ZNF99: variants seen among roughly 807,000 people sequenced by gnomAD.
The protein encoded by ZNF99 is zinc finger protein 99.
Under a neutral mutation model 12.8 loss-of-function variants are expected in ZNF99, and 8 were observed. The ratio of observed to expected loss-of-function variants is 0.62; its 90% confidence interval spans 0.37 to 1.13. The LOEUF (loss-of-function observed/expected upper bound fraction) is 1.13. Among genes scored for constraint, ZNF99 ranks in the 50% most tolerant of loss-of-function variants. ZNF99 has a pLI of 0.02. For missense variants in ZNF99, 1,007 were observed against 1,006.2 expected (o/e 1.00, Z -0.01); for synonymous variants, 318 against 319.0 (o/e 1.00, Z 0.03).
chr19:22,774,097 A>G (rs532272586), intron 1 of ZNF99: 1 of 153,718 alleles, frequency 6.5e-6, no homozygotes, highest in Non-Finnish European at 1.5e-5. Context: ...CACCCAAAGC[A>G]CTGGACAGAA....
chr19:22,784,137 A>C lies in ZNF99; in HGVS notation c.-121T>G. 1 of 1,093,444 alleles carries C rather than the reference A, an allele frequency of 9.1e-7. No individual in the cohort carries two copies. The highest frequency in any genetic ancestry group is 1.3e-6 in the Non-Finnish European group (1 of 760,636). The allele number at this position is 1,093,444 out of a possible 1,614,324, so 67.7% of individuals were successfully genotyped here. On this transcript the variant is annotated 5_prime_UTR_variant, in exon 1 of 4. Transcript: ENST00000596209. ...AACGAGATCCGGAGCTCCAGCTGGA[A>C]CCAGAAACAACGGCCCCGCCACATC...
chr19:22,758,895 C>A lies in ZNF99; in HGVS notation c.1014G>T (p.Lys338Asn), dbSNP rs1287596384. The A allele has an allele frequency of 6.2e-7, 1 of 1,613,622 alleles. No individual in the cohort carries two copies. Among genetic ancestry groups the A allele is most frequent in the Non-Finnish European group, 8.5e-7 (1 of 1,179,904 alleles). The change falls in exon 4 of 4, where the codon AAG becomes AAT. Residue 338 changes from lysine (K) to asparagine (N), a missense_variant. Transcript: ENST00000596209. ...CACATTCTTCACATTTGTAGGGTTT[C>A]TTTCCAGTATGAATTATCTGATGTT... ...LRKHQIIHTGKKPYKCEECGK... is the reference protein window; with the variant it reads ...LRKHQIIHTGNKPYKCEECGK...
At chr19:22,769,122 CA>C in intron 2 of ZNF99, 75 bp downstream of exon 2, 1 of 1,484,710 alleles carries the variant, frequency 6.7e-7, no homozygotes, top group Non-Finnish European at 9.1e-7. Context: ...CATAAATCAC[CA>C]AAACACATCC....
In ZNF99 at chr19:22,755,347, G is replaced by A. The variant is rs1157319585; in HGVS notation, c.*1967C>T. On this transcript the variant is annotated 3_prime_UTR_variant, in exon 4 of 4. Transcript: ENST00000596209. ...AGTAAGGTCTGAAAACCAGTTAAAA[G>A]CTTTGCCACAGTTTTCATATTTGTA... 2 of 265,910 alleles carry A rather than the reference G, an allele frequency of 7.5e-6. No homozygotes were observed. Among genetic ancestry groups the A allele is most frequent in the Non-Finnish European group, 1.6e-5 (2 of 128,224 alleles). 16.5% of individuals were successfully genotyped at this position (265,910 alleles called of 1,614,324 possible).
At position 22,758,523 on chromosome 19, in the gene ZNF99, A is replaced by G; in HGVS notation, c.1386T>C (p.Phe462=). ...GTTTTCTAAGGGCTGAAAAATTGCT[A>G]AAAGCTTTGCTGCATTCTTCACATT... The part of the protein sequence containing the change: ...PYKCEECSKA[F]SNFSALRKHE... The change falls in exon 4 of 4, where the codon TTT becomes TTC. Residue 462 remains phenylalanine, a synonymous_variant. Coordinates refer to ENST00000596209, the MANE Select transcript of ZNF99 (RefSeq NM_001080409.3). 1 of 1,613,176 alleles carries G rather than the reference A, an allele frequency of 6.2e-7. No homozygotes were observed. The highest frequency in any genetic ancestry group is 8.5e-7 in the Non-Finnish European group (1 of 1,179,596).
At chr19:22,781,016 C>T (rs1309946763) in intron 1 of ZNF99, among the ~76,000 whole-genome samples, 1 of 152,108 alleles carries the variant, frequency 6.6e-6, no homozygotes, top group African/African-American at 2.4e-5. Context: ...ATAAAAAACA[C>T]ACCAGAGAAA....
chr19:22,780,490 C>A (rs1459709824), intron 1 of ZNF99, among the ~76,000 whole-genome samples: 1 of 151,794 alleles, frequency 6.6e-6, no homozygotes, highest in South Asian at 2.1e-4. Context: ...GTTGGGAGTT[C>A]GAGACCAGCA....
intron 3 of ZNF99, among the ~76,000 whole-genome samples, chr19:22,764,828 A>C (rs1973187746): frequency 6.6e-6 from 1 of 152,184 alleles, no homozygotes; most frequent in Non-Finnish European, 1.5e-5. Context: ...AAATAAATAA[A>C]TAAAAAAACA....
intron 3 of ZNF99, among the ~76,000 whole-genome samples, chr19:22,767,065 T>A (rs1286288077): frequency 6.7e-6 from 1 of 149,648 alleles, no homozygotes; most frequent in Non-Finnish European, 1.5e-5. Context: ...ATTCCAGGAG[T>A]TTGAGAACAG....
chr19:22,769,981 A>G, intron 1 of ZNF99: 1 of 1,360,640 alleles, frequency 7.3e-7, no homozygotes, highest in Non-Finnish European at 9.8e-7. Context: ...CCAAAAAGAC[A>G]TGTTGAGTTA....
rs1973056659 is a variant in ZNF99 at position 22,756,481 on chromosome 19, CTA to C, written c.*831_*832del. ...GGGTTTCTTTCCAGTATGAATTATC[CTA>C]TGTTTAGTAAGGCGTGAGAAATGGC... On this transcript the variant is annotated 3_prime_UTR_variant, in exon 4 of 4. Coordinates refer to ENST00000596209, the MANE Select transcript of ZNF99 (RefSeq NM_001080409.3). 2 of 1,584,836 alleles carry C rather than the reference CTA, an allele frequency of 1.3e-6. No individual in the cohort carries two copies. Among genetic ancestry groups the C allele is most frequent in the South Asian group, 1.1e-5 (1 of 90,540 alleles).
intron 3 of ZNF99, 60 bp from the exon 4 acceptor site, chr19:22,759,742 C>T: frequency 8.2e-7 from 1 of 1,225,682 alleles, no homozygotes; most frequent in Non-Finnish European, 1.1e-6. Flanking sequence ...ATATACTTTA[C>T]AAATCTAACC....
At chr19:22,773,754 C>T (rs1973297050) in intron 1 of ZNF99, 1 of 152,242 alleles carries the variant, frequency 6.6e-6, no homozygotes, top group Admixed American at 6.5e-5. Context: ...CTGGTGTCCT[C>T]TCTTGACCCC....
chr19:22,762,555 C>T (rs1973161447), intron 3 of ZNF99, among the ~76,000 whole-genome samples: 1 of 152,058 alleles, frequency 6.6e-6, no homozygotes, highest in Admixed American at 6.6e-5. Context: ...TTCTACCAGA[C>T]ATTCAAAGAA....
chr19:22,770,037 T>G (rs1274919037), intron 1 of ZNF99: 31 of 1,296,880 alleles, frequency 2.4e-5, no homozygotes, highest in Non-Finnish European at 3.0e-5. Flanking sequence ...CTGGAGATCT[T>G]GTTAAGCATA....
In ZNF99 at chr19:22,757,630, G is replaced by A. The variant is rs748770847; in HGVS notation, c.2279C>T (p.Pro760Leu). The change falls in exon 4 of 4, where the codon CCC becomes CTC. Residue 760 changes from proline (P) to leucine (L), a missense_variant. Transcript: ENST00000596209. The stretch of plus-strand genomic sequence containing the variant: ...TTTGCCACATTCTTCACATTTGCAG[G>A]GTTTCTCTGCAGTATGAATTACCTT... ...VHKVIHTAEK[P>L]CKCEECGKAF... The A allele has an allele frequency of 4.3e-6, 7 of 1,611,546 alleles. No homozygotes were observed. Among genetic ancestry groups the A allele is most frequent in the Non-Finnish European group, 5.9e-6 (7 of 1,179,636 alleles).
rs1312386239 is a variant in ZNF99, at chr19:22,758,277, T to C, written c.1632A>G (p.Lys544=). The C allele has an allele frequency of 6.2e-7, 1 of 1,609,582 alleles. No homozygotes were observed. The highest frequency in any genetic ancestry group is 1.1e-5 in the South Asian group (1 of 90,898). Residue 544 remains lysine, a synonymous_variant, in exon 4 of 4, where the codon AAA becomes AAG. Coordinates refer to ENST00000596209, the MANE Select transcript of ZNF99 (RefSeq NM_001080409.3). The stretch of plus-strand genomic sequence containing the variant: ...TAAGGGTTGAGGAATTGTTAAAAGC[T>C]TTGCCACATTCTTCACATTTGTAGG... ...KKPYKCEECG[K]AFNNSSTLMK...
At position 22,757,504 on chromosome 19, in the gene ZNF99, G is replaced by A. The variant is rs781053333; in HGVS notation, c.2405C>T (p.Ser802Leu). 90 of 1,611,028 alleles carry A rather than the reference G, an allele frequency of 5.6e-5. No individual in the cohort carries two copies. Among genetic ancestry groups the A allele is most frequent in the Non-Finnish European group, 5.1e-6 (6 of 1,179,612 alleles). Residue 802 changes from serine to leucine, a missense_variant, in exon 4 of 4, where the codon TCA (serine) becomes TTA (leucine). By Grantham distance (145) the Ser-to-Leu change is moderately radical. Coordinates refer to ENST00000596209, the MANE Select transcript of ZNF99 (RefSeq NM_001080409.3). ...EECGKAFNNS[S>L]TLRKHEIIHT... ...AATTATCTCATGTTTTCTAAGGGTT[G>A]AGGAATTGTTAAAAGCTTTGCCACA...
intron 1 of ZNF99, among the ~76,000 whole-genome samples, chr19:22,779,722 T>C (rs951784999): frequency 8.5e-5 from 13 of 152,232 alleles, no homozygotes; most frequent in Non-Finnish European, 1.3e-4. Context: ...AAACATTCTC[T>C]GATCTAAAAT....
Sources: allele counts gnomAD v4.1 joint callset (sites outside exome capture counted in the v4.1 genomes callset), GRCh38; gene constraint gnomAD v4.1.1; transcripts MANE v1.5; gene names NCBI Gene and HGNC (gene_info 2026-07-23, HGNC 2026-07-21).